The following SPEG variants were observed in gnomAD, a reference collection of about 807,000 sequenced individuals.
SPEG encodes the protein striated muscle preferentially expressed protein kinase.
Under a neutral mutation model 300.4 loss-of-function variants are expected in SPEG, and 114 were observed. The observed-to-expected ratio is 0.38, with a 90% CI of 0.33 to 0.44. The LOEUF is 0.44. Among genes scored for constraint, SPEG ranks in the 20% least tolerant of loss-of-function variants. The probability of loss-of-function intolerance (pLI) is 1.00; values close to 1 mark genes in which losing one functional copy is unlikely to be tolerated. For synonymous variants in SPEG, 1,964 were observed against 2,018.9 expected, an observed-to-expected ratio of 0.97 and a Z score of 0.73; for missense variants, 4,201 against 4,586.2, an observed-to-expected ratio of 0.92 and a Z score of 2.43.
chr2:219,478,786 A>G (rs1692567245), intron 22 of SPEG, among the ~76,000 whole-genome samples: 2 of 152,230 alleles, frequency 1.3e-5, no homozygotes, highest in Admixed American at 1.3e-4. Flanking sequence ...AAGAAGTTCC[A>G]TCCACAGTCA....
intron 18 of SPEG, among the ~76,000 whole-genome samples, chr2:219,475,484 A>G (rs1228707900): frequency 6.6e-6 from 1 of 152,168 alleles, no homozygotes; most frequent in Non-Finnish European, 1.5e-5. Context: ...GATAAGTGGC[A>G]ATAGGGTGTG....
At chr2:219,441,391 T>G in intron 1 of SPEG, 1 of 400,950 alleles carries the variant, frequency 2.5e-6, no homozygotes, top group Non-Finnish European at 5.0e-6. Context: ...TGAGAAGCCT[T>G]AGGGTTTTCA....
In SPEG at chr2:219,489,053, G is replaced by A; in HGVS notation, c.8150-1G>A. 6.2e-7 allele frequency: 1 copy of A among 1,613,692 alleles called. No homozygotes were observed. The highest frequency in any genetic ancestry group is 8.5e-7 in the Non-Finnish European group (1 of 1,179,870). ...CAGCCCCTCCCCCATACTGCCTATA[G>A]GGGAGTCTGTGTGGCACCCTGTGAG... On this transcript the variant is annotated splice_acceptor_variant, in intron 34 of 40. Coordinates refer to ENST00000312358, the MANE Select transcript of SPEG (RefSeq NM_005876.5). LOFTEE classifies it high-confidence loss of function.
At chr2:219,470,554 C>T (rs1233363946) in intron 13 of SPEG, among the ~76,000 whole-genome samples, 1 of 152,172 alleles carries the variant, frequency 6.6e-6, no homozygotes, top group East Asian at 1.9e-4. Context: ...CTTCTCTTCT[C>T]TTATAAATAG....
rs1351924535 is a variant in SPEG at position 219,481,316 on chromosome 2, CT to C, written c.5383del (p.Ser1795ProfsTer12). On this transcript the variant is annotated frameshift_variant, in exon 27 of 41. Coordinates refer to ENST00000312358, the MANE Select transcript of SPEG (RefSeq NM_005876.5). LOFTEE classifies it high-confidence loss of function. This position sits in a 1 kb window ranked among gnomAD's most constrained non-coding sequence, Gnocchi z 5.4. Reference protein sequence around the residue: ...VVAFLCLTGISPFVGENDRTT... With the variant: ...VVAFLCLTGIXPFVGENDRTT... ...TTCACCCCTGCAGTCTGACAGGAAT[CT>C]CCCCGTTTGTTGGGGAAAATGACCG... 1 of 1,614,144 alleles carries C rather than the reference CT, an allele frequency of 6.2e-7. No homozygotes were observed. Among genetic ancestry groups the C allele is most frequent in the Non-Finnish European group, 8.5e-7 (1 of 1,180,000 alleles).
rs1393909893 is a variant in SPEG, at chr2:219,464,168, C to T, written c.2706-265C>T. Among the ~76,000 whole-genome samples, 1 of 151,344 alleles carries T rather than the reference C, an allele frequency of 6.6e-6. No individual in the cohort carries two copies. Among genetic ancestry groups the T allele is most frequent in the Non-Finnish European group, 1.5e-5 (1 of 67,814 alleles). On this transcript the variant is annotated intron_variant, in intron 8 of 40. Transcript: ENST00000312358. The surrounding 1 kb of genome is among the most constrained non-coding windows in gnomAD (Gnocchi z 4.5). ...GAAAAAAGAGCTAAATAGCACGGCT[C>T]CACTCTGAATGCAGCAGGGTTCCGA...
intron 1 of SPEG, among the ~76,000 whole-genome samples, chr2:219,435,904 C>T (rs1954706529): frequency 6.6e-6 from 1 of 152,168 alleles, no homozygotes; most frequent in African/African-American, 2.4e-5. Context: ...TATGGTTGGC[C>T]ACGTGTGAAC....
intron 40 of SPEG, 116 bp downstream of exon 40, chr2:219,492,376 A>G (rs1385469338): frequency 1.0e-5 from 13 of 1,257,180 alleles, no homozygotes; most frequent in Non-Finnish European, 1.4e-5. Context: ...CTTCTACTAA[A>G]TGGTCATACT....
At chr2:219,476,740 G>T in intron 18 of SPEG, 130 bp from the exon 19 acceptor site, 1 of 653,498 alleles carries the variant, frequency 1.5e-6, no homozygotes. Flanking sequence ...GTGGTGGCTT[G>T]CAGGGAGGCG....
intron 1 of SPEG, among the ~76,000 whole-genome samples, chr2:219,441,155 T>C (rs892969886): frequency 2.0e-5 from 3 of 152,122 alleles, no homozygotes; most frequent in African/African-American, 7.2e-5. Context: ...GAGGATAGAA[T>C]TTTGTGTATG....
intron 8 of SPEG, 51 bp downstream of exon 8, chr2:219,462,437 G>T: frequency 6.9e-7 from 1 of 1,444,782 alleles, no homozygotes. Flanking sequence ...GCCAGGCCTG[G>T]CTCTGGGAGG....
chr2:219,468,444 C>T, intron 10 of SPEG, 134 bp from the exon 11 acceptor site: 3 of 1,004,738 alleles, frequency 3.0e-6, no homozygotes, highest in Non-Finnish European at 2.9e-6. Context: ...CACTTCCTCC[C>T]CTGAGTACCC....
intron 4 of SPEG, among the ~76,000 whole-genome samples, chr2:219,449,806 C>T (rs1689606863): frequency 6.6e-6 from 1 of 152,198 alleles, no homozygotes; most frequent in Non-Finnish European, 1.5e-5. Context: ...CCAGCCTGCC[C>T]TTCTAGCCTC....
At chr2:219,487,138 C>T (rs1322587603) in intron 31 of SPEG, among the ~76,000 whole-genome samples, 1 of 152,134 alleles carries the variant, frequency 6.6e-6, no homozygotes, top group African/African-American at 2.4e-5. Flanking sequence ...CCCCCATGGC[C>T]CAGCTGGGAT....
chr2:219,452,228 C>T (rs1454652460), intron 6 of SPEG, among the ~76,000 whole-genome samples: 2 of 152,198 alleles, frequency 1.3e-5, no homozygotes, highest in African/African-American at 4.8e-5. Flanking sequence ...ACAGTCCCCC[C>T]TCCCAGTAAA....
At position 219,477,619 on chromosome 2, in the gene SPEG, C is replaced by T; in HGVS notation, c.4730-70C>T. 3 of 1,418,902 alleles carry T rather than the reference C, an allele frequency of 2.1e-6. No homozygotes were observed. Among genetic ancestry groups the T allele is most frequent in the South Asian group, 1.3e-5 (1 of 74,182 alleles). The allele number at this position is 1,418,902 out of a possible 1,614,324, so 87.9% of individuals were successfully genotyped here. Reference sequence around the variant, plus strand: ...ACCTCTTCTCTCTTCTTCTTCTGTCCACCTGTCCCAGTCTCTGGCCTGCTT... The same window carrying T: ...ACCTCTTCTCTCTTCTTCTTCTGTCTACCTGTCCCAGTCTCTGGCCTGCTT... On this transcript the variant is annotated intron_variant, in intron 20 of 40. Coordinates refer to ENST00000312358, the MANE Select transcript of SPEG (RefSeq NM_005876.5). This position sits in a 1 kb window ranked among gnomAD's most constrained non-coding sequence, Gnocchi z 6.4.
chr2:219,481,293 C>T lies in SPEG; in HGVS notation c.5370-11C>T. 1 of 1,613,498 alleles carries T rather than the reference C, an allele frequency of 6.2e-7. No individual in the cohort carries two copies. Among genetic ancestry groups the T allele is most frequent in the Non-Finnish European group, 8.5e-7 (1 of 1,179,610 alleles). ...GCCTGCCCCTCATGACAGCCCTCTT[C>T]ACCCCTGCAGTCTGACAGGAATCTC... is the stretch of plus-strand genomic sequence containing the variant. On this transcript the variant is annotated splice_polypyrimidine_tract_variant and intron_variant, in intron 26 of 40. Transcript: ENST00000312358. The surrounding 1 kb of genome is among the most constrained non-coding windows in gnomAD (Gnocchi z 5.4).
In SPEG at chr2:219,485,380, CT is replaced by C; in HGVS notation, c.7646del (p.Phe2549SerfsTer70). The C allele has an allele frequency of 6.2e-7, 1 of 1,607,072 alleles. No individual in the cohort carries two copies. Among genetic ancestry groups the C allele is most frequent in the Non-Finnish European group, 8.5e-7 (1 of 1,177,138 alleles). ...GESRSRLRWGFSRPRKDKGLS... is the reference protein window; with the variant it reads ...GESRSRLRWGXSRPRKDKGLS... ...AAAGCCGAAGCCGGCTCCGCTGGGG[CT>C]TCTCTCGGCCGCGGAAGGACAAGGG... is the stretch of plus-strand genomic sequence containing the variant. On this transcript the variant is annotated frameshift_variant, in exon 31 of 41. Coordinates refer to ENST00000312358, the MANE Select transcript of SPEG (RefSeq NM_005876.5). LOFTEE classifies it high-confidence loss of function.
At position 219,444,834 on chromosome 2, in the gene SPEG, A is replaced by T; in HGVS notation, c.488A>T (p.Asp163Val). 6.3e-7 allele frequency: 1 copy of T among 1,588,220 alleles called. No individual in the cohort carries two copies. Among genetic ancestry groups the T allele is most frequent in the South Asian group, 1.2e-5 (1 of 86,554 alleles). ...GAFSTPTGGS[D>V]TLVGTSLDTP... ...GTGCTCCTTTCTCTAGGGGGTTCTG[A>T]CACCCTGGTGGGCACCTCCCTGGAC... is the stretch of plus-strand genomic sequence containing the variant. Residue 163 changes from aspartate to valine, a missense_variant, in exon 3 of 41, where the codon GAC becomes GTC. By Grantham distance (152) the Asp-to-Val change is radical. Coordinates refer to ENST00000312358, the MANE Select transcript of SPEG (RefSeq NM_005876.5). The surrounding 1 kb of genome is among the most constrained non-coding windows in gnomAD (Gnocchi z 7.8).
Sources: allele counts gnomAD v4.1 joint callset (sites outside exome capture counted in the v4.1 genomes callset), GRCh38; gene constraint gnomAD v4.1.1; non-coding constraint Gnocchi (gnomAD v3.1); transcripts MANE v1.5; gene names NCBI Gene and HGNC (gene_info 2026-07-23, HGNC 2026-07-21).